ANGPTL2: variants seen among roughly 807,000 people sequenced by gnomAD.
ANGPTL2 encodes angiopoietin-related protein 2.
Under a neutral mutation model 52.8 loss-of-function variants are expected in ANGPTL2, and 25 were observed. That is an observed-to-expected ratio of 0.47 (90% CI 0.35 to 0.66). The LOEUF is 0.66. Ranked by LOEUF, ANGPTL2 falls within the 30% of genes least tolerant of loss-of-function variation. The pLI is 0.01. For synonymous variants in ANGPTL2, 276 were observed against 277.4 expected (o/e 1.00, Z 0.05); for missense variants, 546 against 656.9 (o/e 0.83, Z 1.84).
At chr9:127,121,747 C>T (rs1471671771) in intron 1 of ANGPTL2, among the ~76,000 whole-genome samples, 2 of 152,196 alleles carry the variant, frequency 1.3e-5, no homozygotes, top group Non-Finnish European at 2.9e-5. Flanking sequence ...GTGATGCGTC[C>T]GTTCCCGTGC....
In ANGPTL2 at chr9:127,091,838, A is replaced by G; in HGVS notation, c.1114T>C (p.Trp372Arg). 1.2e-6 allele frequency: 2 copies of G among 1,614,192 alleles called. No individual in the cohort carries two copies. The highest frequency in any genetic ancestry group is 1.7e-6 in the Non-Finnish European group (2 of 1,180,038). Residue 372 changes from tryptophan (W) to arginine (R), a missense_variant, in exon 4 of 5, where the codon TGG (tryptophan) becomes CGG (arginine). By Grantham distance (101) the Trp-to-Arg change is moderately radical (BLOSUM62 -3). This residue lies in a region of ANGPTL2 where 261 missense variants were observed against 361.0 expected (regional missense o/e 0.72). Transcript: ENST00000373425. The surrounding 1 kb of genome is among the most constrained non-coding windows in gnomAD (Gnocchi z 4.3). ...TCTGCAAAGACTTTGCGGCCGGACC[A>G]GTCCTCCATGGTCACCAGGAGTTTG... ...NYKLLVTMED[W>R]SGRKVFAEYA... is the part of the protein sequence containing the mutation.
intron 2 of ANGPTL2, 33 bp downstream of exon 2, chr9:127,107,882 A>G (rs777422979): frequency 6.6e-7 from 1 of 1,509,062 alleles, no homozygotes; most frequent in Non-Finnish European, 8.9e-7. Flanking sequence ...TGGCTCTGAG[A>G]CCCACATGTA....
chr9:127,088,768 G>GT lies in ANGPTL2; in HGVS notation c.*170dup, dbSNP rs1177381223. ...GAAAGTAGGAGGGACAGAAAACACC[G>GT]TATCGATTCAGTTCCATCATCCGCT... On this transcript the variant is annotated 3_prime_UTR_variant, in exon 5 of 5. Coordinates refer to ENST00000373425, the MANE Select transcript of ANGPTL2 (RefSeq NM_012098.3). The GT allele has an allele frequency of 5.5e-6, 4 of 723,320 alleles. No individual in the cohort carries two copies. The highest frequency in any genetic ancestry group is 1.8e-5 in the African/African-American group (1 of 56,360). 44.8% of individuals were successfully genotyped at this position (723,320 alleles called of 1,614,324 possible).
At chr9:127,117,618 G>GC (rs777322501) in intron 1 of ANGPTL2, among the ~76,000 whole-genome samples, 34 of 152,354 alleles carry the variant, frequency 2.2e-4, no homozygotes, top group Admixed American at 7.8e-4. Flanking sequence ...AAAAGCCCTT[G>GC]GCTGGACAAC....
intron 3 of ANGPTL2, 105 bp from the exon 4 acceptor site, chr9:127,092,045 G>T: frequency 7.0e-7 from 1 of 1,421,822 alleles, no homozygotes; most frequent in Non-Finnish European, 9.6e-7. Context: ...TGGGAAACAA[G>T]CAGAGCATGA....
chr9:127,109,571 C>T (rs778248481), intron 1 of ANGPTL2, among the ~76,000 whole-genome samples: 4 of 152,286 alleles, frequency 2.6e-5, no homozygotes, highest in African/African-American at 9.6e-5. Context: ...ACCACTGCAA[C>T]GTGATTAAGT....
intron 2 of ANGPTL2, among the ~76,000 whole-genome samples, chr9:127,105,742 G>C (rs1233000766): frequency 5.9e-5 from 9 of 152,158 alleles, no homozygotes; most frequent in Admixed American, 1.3e-4. Flanking sequence ...TGATGTTAGG[G>C]ACTAGAAATC....
chr9:127,099,590 G>A (rs1427835687), intron 2 of ANGPTL2, among the ~76,000 whole-genome samples: 2 of 152,222 alleles, frequency 1.3e-5, no homozygotes, highest in East Asian at 3.8e-4. Flanking sequence ...TCGGGGGATG[G>A]GGTGTGAGGG....
chr9:127,088,772 C>G lies in ANGPTL2; in HGVS notation c.*167G>C, dbSNP rs746814997. On this transcript the variant is annotated 3_prime_UTR_variant, in exon 5 of 5. Coordinates refer to ENST00000373425, the MANE Select transcript of ANGPTL2 (RefSeq NM_012098.3). Reference sequence around the variant, plus strand: ...GTAGGAGGGACAGAAAACACCGTATCGATTCAGTTCCATCATCCGCTGCAG... The same window carrying G: ...GTAGGAGGGACAGAAAACACCGTATGGATTCAGTTCCATCATCCGCTGCAG... 2.7e-6 allele frequency: 2 copies of G among 740,678 alleles called. No individual in the cohort carries two copies. Among genetic ancestry groups the G allele is most frequent in the Non-Finnish European group, 4.5e-6 (2 of 446,004 alleles). 45.9% of individuals were successfully genotyped at this position (740,678 alleles called of 1,614,324 possible).
intron 2 of ANGPTL2, among the ~76,000 whole-genome samples, chr9:127,098,229 A>G (rs368197534): frequency 2.3e-4 from 35 of 152,330 alleles, no homozygotes; most frequent in East Asian, 1.9e-3. Flanking sequence ...CTTTTTTGTC[A>G]ATGAAACTGA....
At chr9:127,102,566 T>C (rs2053843981) in intron 2 of ANGPTL2, among the ~76,000 whole-genome samples, 1 of 152,226 alleles carries the variant, frequency 6.6e-6, no homozygotes, top group Non-Finnish European at 1.5e-5. Flanking sequence ...TTATCTCCTA[T>C]GACTGTAAAT....
intron 2 of ANGPTL2, among the ~76,000 whole-genome samples, chr9:127,094,763 C>T (rs1367418236): frequency 1.3e-5 from 2 of 152,214 alleles, no homozygotes; most frequent in Non-Finnish European, 2.9e-5. Context: ...GTCCAGGATA[C>T]AGCCCAATCC....
intron 1 of ANGPTL2, among the ~76,000 whole-genome samples, chr9:127,112,115 T>G (rs2054876088): frequency 6.6e-6 from 1 of 152,178 alleles, no homozygotes; most frequent in Non-Finnish European, 1.5e-5. Context: ...TCCACTTAAA[T>G]GACAAAGCCC....
intron 2 of ANGPTL2, among the ~76,000 whole-genome samples, chr9:127,094,722 TCCTTG>T (rs1248169302): frequency 6.6e-6 from 1 of 152,200 alleles, no homozygotes; most frequent in Non-Finnish European, 1.5e-5. Context: ...TCTGAGGTCC[TCCTTG>T]CAGGCTCATA....
rs769034019 is a variant in ANGPTL2 at position 127,091,856 on chromosome 9, G to A, written c.1096C>T (p.Leu366=). Residue 366 remains leucine, a synonymous_variant, in exon 4 of 5, where the codon CTG becomes TTG. Coordinates refer to ENST00000373425, the MANE Select transcript of ANGPTL2 (RefSeq NM_012098.3). This position sits in a 1 kb window ranked among gnomAD's most constrained non-coding sequence, Gnocchi z 4.3. ...CCGGACCAGTCCTCCATGGTCACCAGGAGTTTGTAGTTGCCTTGGTTCGTC... is the reference window on the plus strand; with the variant it reads ...CCGGACCAGTCCTCCATGGTCACCAAGAGTTTGTAGTTGCCTTGGTTCGTC... The part of the protein sequence containing the change: ...WLTNQGNYKL[L]VTMEDWSGRK... 13 of 1,614,218 alleles carry A rather than the reference G, an allele frequency of 8.1e-6. No homozygotes were observed. The South Asian group carries it at 1.4e-4, about 18-fold the overall frequency.
At chr9:127,095,290 C>T (rs1453105936) in intron 2 of ANGPTL2, among the ~76,000 whole-genome samples, 3 of 152,108 alleles carry the variant, frequency 2.0e-5, no homozygotes, top group South Asian at 4.1e-4. Flanking sequence ...CCCAGCTACC[C>T]GGGAGGGTGA....
At chr9:127,112,230 G>A (rs868606615) in intron 1 of ANGPTL2, among the ~76,000 whole-genome samples, 7 of 152,212 alleles carry the variant, frequency 4.6e-5, no homozygotes, top group Admixed American at 2.0e-4. Flanking sequence ...CTGCAGTGAC[G>A]TCAGTGGAAA....
At chr9:127,112,044 A>T (rs1413248524) in intron 1 of ANGPTL2, among the ~76,000 whole-genome samples, 1 of 152,168 alleles carries the variant, frequency 6.6e-6, no homozygotes, top group East Asian at 1.9e-4. Flanking sequence ...TCCACCTTGG[A>T]CCAGCCAGTG....
intron 1 of ANGPTL2, among the ~76,000 whole-genome samples, chr9:127,117,928 G>A (rs1255864251): frequency 6.6e-6 from 1 of 152,232 alleles, no homozygotes; most frequent in Non-Finnish European, 1.5e-5. Flanking sequence ...GGTACTGCCT[G>A]TCTGGACAAC....
Sources: allele counts gnomAD v4.1 joint callset (sites outside exome capture counted in the v4.1 genomes callset), GRCh38; gene constraint gnomAD v4.1.1; regional missense constraint gnomAD v4.1.1; non-coding constraint Gnocchi (gnomAD v3.1); transcripts MANE v1.5; gene names NCBI Gene and HGNC (gene_info 2026-07-23, HGNC 2026-07-21).